The following KAT14 variants were observed in gnomAD, a reference collection of about 807,000 sequenced individuals.
The protein encoded by KAT14 is lysine acetyltransferase 14, also known as cysteine-rich protein 2-binding protein.
In KAT14, 66 loss-of-function variants were observed where a neutral mutation model predicts 78.4. The observed-to-expected ratio is 0.84, with a 90% CI of 0.69 to 1.03. KAT14 has a LOEUF of 1.03. Ranked by LOEUF, KAT14 falls within the 50% of genes least tolerant of loss-of-function variation. The probability of loss-of-function intolerance (pLI) is 0.00; values close to 1 mark genes in which losing one functional copy is unlikely to be tolerated. For missense variants in KAT14, 870 were observed against 972.5 expected, an observed-to-expected ratio of 0.89 and a Z score of 1.40; for synonymous variants, 344 against 359.4, an observed-to-expected ratio of 0.96 and a Z score of 0.48.
chr20:18,146,191 A>G (rs1412721504), intron 3 of KAT14, among the ~76,000 whole-genome samples: 1 of 152,166 alleles, frequency 6.6e-6, no homozygotes, highest in Non-Finnish European at 1.5e-5. Flanking sequence ...TTCTATGTCA[A>G]TATGTTAATG....
upstream of KAT14, chr20:18,137,731 T>G: frequency 2.3e-6 from 1 of 433,342 alleles, no homozygotes; most frequent in Non-Finnish European, 4.0e-6. Context: ...GCCTGCGGGG[T>G]GTGCAGGAGG....
At chr20:18,141,023 A>ATTTTTTTTTTTT (rs67633205) in intron 1 of KAT14, among the ~76,000 whole-genome samples, 6 of 48,760 alleles carry the variant, frequency 1.2e-4, no homozygotes, top group Non-Finnish European at 1.3e-4. Flanking sequence ...ACTCCCTGCA[A>ATTTTTTTTTTTT]TTTTTTTTTT....
Position 18,162,691 on chromosome 20 carries a change from A to T in KAT14, c.1414A>T (p.Lys472Ter), listed in dbSNP as rs762427924. Residue 472 changes from lysine to a stop codon, truncating the protein, a stop_gained, in exon 7 of 11, where the codon AAG becomes TAG. Transcript: ENST00000688188. LOFTEE classifies it high-confidence loss of function. ...VSIYEEKLLL[K>*]RLEACPGAVA... ...CATCTACGAGGAAAAGCTGCTGCTC[A>T]AGAGGCTGGAAGCTTGTCCCGGTGC... 3.7e-6 allele frequency: 6 copies of T among 1,614,116 alleles called. No individual in the cohort carries two copies. The highest frequency in any genetic ancestry group is 5.1e-6 in the Non-Finnish European group (6 of 1,180,046).
intron 9 of KAT14, 165 bp downstream of exon 9, chr20:18,183,463 C>T (rs1353248244): frequency 1.0e-6 from 1 of 974,552 alleles, no homozygotes; most frequent in Non-Finnish European, 1.2e-6. Flanking sequence ...CTTGCTTTCC[C>T]AAAATCTAGA....
At chr20:18,140,065 T>A (rs1339930792) in intron 1 of KAT14, among the ~76,000 whole-genome samples, 1 of 151,978 alleles carries the variant, frequency 6.6e-6, no homozygotes, top group Non-Finnish European at 1.5e-5. Context: ...TAGAGGAAGA[T>A]AGCAAATGAT....
At chr20:18,147,806 G>A (rs992569251) in intron 3 of KAT14, among the ~76,000 whole-genome samples, 3 of 152,084 alleles carry the variant, frequency 2.0e-5, no homozygotes, top group Non-Finnish European at 2.9e-5. Context: ...GGCTGGTCTC[G>A]AACTCCTGAC....
chr20:18,177,072 T>TA (rs531071480), intron 7 of KAT14, among the ~76,000 whole-genome samples: 68 of 152,334 alleles, frequency 4.5e-4, no homozygotes, highest in African/African-American at 1.6e-3. Flanking sequence ...GTGTTACAGT[T>TA]ATCTGTTGCT....
At chr20:18,138,196 G>A (rs2037371344) in intron 1 of KAT14, 145 bp downstream of exon 1, 1 of 1,267,402 alleles carries the variant, frequency 7.9e-7, no homozygotes, top group Non-Finnish European at 9.9e-7. Context: ...CGCGTTTGCG[G>A]CTGCGGCCGG....
At chr20:18,138,246 G>T in intron 1 of KAT14, 195 bp downstream of exon 1, 2 of 1,241,650 alleles carry the variant, frequency 1.6e-6, no homozygotes, top group African/African-American at 1.6e-5. Flanking sequence ...AGCTCCCGGC[G>T]GGCGTGTGCA....
Position 18,183,273 on chromosome 20 carries a change from C to T in KAT14, c.1956C>T (p.Ser652=), listed in dbSNP as rs146183092. ...CAAATCACATCCCAACGATCAACTC[C>T]ATGTGTCAGGAGTTTTTTTGGCCTG... The part of the protein sequence containing the change: ...VRPNHIPTIN[S]MCQEFFWPGI... Residue 652 remains serine (S), a synonymous_variant, in exon 9 of 11, where the codon TCC becomes TCT. Coordinates refer to ENST00000688188, the MANE Select transcript of KAT14 (RefSeq NM_001392073.1). 2 of 1,613,994 alleles carry T rather than the reference C, an allele frequency of 1.2e-6. No homozygotes were observed. Among genetic ancestry groups the T allele is most frequent in the East Asian group, 2.2e-5 (1 of 44,878 alleles).
intron 8 of KAT14, among the ~76,000 whole-genome samples, chr20:18,182,374 G>T (rs2039290959): frequency 6.6e-6 from 1 of 152,122 alleles, no homozygotes; most frequent in African/African-American, 2.4e-5. Flanking sequence ...CACCCAGCTT[G>T]GCCTCCCAAA....
intron 2 of KAT14, among the ~76,000 whole-genome samples, chr20:18,144,268 ATTGAT>A: frequency 6.6e-6 from 1 of 152,316 alleles, no homozygotes; most frequent in Non-Finnish European, 1.5e-5. Context: ...GGTCTCTGTT[ATTGAT>A]TTCAGGTTCT....
chr20:18,142,440 CTT>C lies in KAT14; in HGVS notation c.-213_-212del, dbSNP rs78016265. 6.9e-6 allele frequency: 10 copies of C among 1,450,944 alleles called. No homozygotes were observed. Among genetic ancestry groups the C allele is most frequent in the South Asian group, 2.9e-5 (2 of 67,918 alleles). 89.9% of individuals were successfully genotyped at this position (1,450,944 alleles called of 1,614,324 possible). The stretch of plus-strand genomic sequence containing the variant: ...GAGAGTAGCTTAGTAGTATCTTCAT[CTT>C]TTTTTTTGGTCACTGTCCTTTTAAA... On this transcript the variant is annotated 5_prime_UTR_variant, in exon 2 of 11. It removes the in-frame stop codon of an upstream open reading frame in the 5' UTR. Transcript: ENST00000688188.
At chr20:18,173,693 G>T (rs1453970702) in intron 7 of KAT14, among the ~76,000 whole-genome samples, 2 of 144,286 alleles carry the variant, frequency 1.4e-5, no homozygotes, top group African/African-American at 5.1e-5. Context: ...GACATCATTT[G>T]TTGAGTGCTT....
intron 1 of KAT14, among the ~76,000 whole-genome samples, chr20:18,139,608 AG>A (rs2037443732): frequency 6.6e-6 from 1 of 151,118 alleles, no homozygotes; most frequent in Non-Finnish European, 1.5e-5. Flanking sequence ...GTTATTTGGA[AG>A]TTAGAGCTGA....
At chr20:18,152,466 A>G (rs1468639069) in intron 4 of KAT14, among the ~76,000 whole-genome samples, 1 of 152,130 alleles carries the variant, frequency 6.6e-6, no homozygotes, top group Non-Finnish European at 1.5e-5. Flanking sequence ...AATCCCAGCT[A>G]CTCGGGAGGC....
intron 7 of KAT14, among the ~76,000 whole-genome samples, chr20:18,178,013 C>T (rs555531633): frequency 3.3e-5 from 5 of 151,884 alleles, no homozygotes; most frequent in Admixed American, 1.3e-4. Context: ...GAGGCTGAGG[C>T]AGGAGAATCA....
At chr20:18,177,861 C>T (rs556125926) in intron 7 of KAT14, among the ~76,000 whole-genome samples, 2 of 152,238 alleles carry the variant, frequency 1.3e-5, no homozygotes, top group South Asian at 2.1e-4. Context: ...TGAAGAACAA[C>T]ATATTTCCAG....
chr20:18,153,235 A>G (rs1273811653), intron 4 of KAT14, among the ~76,000 whole-genome samples: 1 of 152,058 alleles, frequency 6.6e-6, no homozygotes, highest in Non-Finnish European at 1.5e-5. Context: ...GGTAGTCAGA[A>G]GGAGGGTGAC....
Sources: gnomAD v4.1 joint callset for allele counts (sites outside exome capture counted in the v4.1 genomes callset) on GRCh38, gnomAD v4.1.1 for gene constraint, MANE v1.5 for transcripts, NCBI Gene and HGNC (gene_info 2026-07-23, HGNC 2026-07-21) for gene names.